DNAH2: variants seen among roughly 807,000 people sequenced by gnomAD.
The protein encoded by DNAH2 is dynein axonemal heavy chain 2.
A neutral mutation model predicts 523.5 loss-of-function variants in DNAH2; 323 were observed. That is an observed-to-expected ratio of 0.62 (90% confidence interval 0.56 to 0.68). DNAH2 has a LOEUF of 0.68. Ranked by LOEUF, DNAH2 falls within the 30% of genes least tolerant of loss-of-function variation. DNAH2 has a pLI of 0.00. For synonymous variants in DNAH2, 2,093 were observed against 2,177.4 expected, an observed-to-expected ratio of 0.96 and a Z score of 1.08; for missense variants, 4,907 against 5,701.5, an observed-to-expected ratio of 0.86 and a Z score of 4.49.
intron 5 of DNAH2, 36 bp from the exon 6 acceptor site, chr17:7,734,147 C>A: frequency 6.5e-7 from 1 of 1,542,848 alleles, no homozygotes; most frequent in Non-Finnish European, 8.8e-7. Flanking sequence ...AGAACTCATC[C>A]CCTCTGTCCA....
chr17:7,773,449 T>C (rs552999501), intron 28 of DNAH2, among the ~76,000 whole-genome samples: 2 of 152,090 alleles, frequency 1.3e-5, no homozygotes, highest in Non-Finnish European at 1.5e-5. Context: ...AGTTCTTAGG[T>C]GGGTGTGTTA....
intron 4 of DNAH2, among the ~76,000 whole-genome samples, chr17:7,727,904 A>G (rs2074873596): frequency 1.3e-5 from 2 of 152,018 alleles, no homozygotes; most frequent in Admixed American, 1.3e-4. Context: ...GAATTCTGGG[A>G]AGCCTTGATG....
rs556633418 is a variant in DNAH2, at chr17:7,765,672, G to A, written c.3511+107G>A. On this transcript the variant is annotated intron_variant, in intron 21 of 85. Transcript: ENST00000572933. ...GAACTGGGAGGGGAGGAGGAGGGTC[G>A]GTGCTGGGGTGGGGGAAGAGCCTCC... 204 of 1,318,082 alleles carry A rather than the reference G, an allele frequency of 1.5e-4. No homozygotes were observed. The African/African-American group carries it at 2.6e-3, about 17-fold the overall frequency. The allele number at this position is 1,318,082 out of a possible 1,614,324, so 81.6% of individuals were successfully genotyped here.
chr17:7,793,102 C>G lies in DNAH2; in HGVS notation c.7466C>G (p.Ala2489Gly). The change falls in exon 48 of 86, where the codon GCT (alanine) becomes GGT (glycine). Residue 2489 changes from alanine (A) to glycine (G), a missense_variant. Coordinates refer to ENST00000572933, the MANE Select transcript of DNAH2 (RefSeq NM_020877.5). ...TTTATGGATGACCTAAATATGCCCG[C>G]TAAGGACATGTTTGGGTCCCAGCCA... is the stretch of plus-strand genomic sequence containing the variant. ...ITFMDDLNMPAKDMFGSQPPL... is the reference protein window; with the variant it reads ...ITFMDDLNMPGKDMFGSQPPL... 1 of 1,614,188 alleles carries G rather than the reference C, an allele frequency of 6.2e-7. No homozygotes were observed. Among genetic ancestry groups the G allele is most frequent in the South Asian group, 1.1e-5 (1 of 91,086 alleles).
chr17:7,761,017 G>A lies in DNAH2; in HGVS notation c.2978+85G>A. The stretch of plus-strand genomic sequence containing the variant: ...CCCAGGCCTAGAGTCTTGGGAAGTG[G>A]GTAGGGGAGCTGAGGATGACATGTG... On this transcript the variant is annotated intron_variant, in intron 18 of 85. Coordinates refer to ENST00000572933, the MANE Select transcript of DNAH2 (RefSeq NM_020877.5). The A allele has an allele frequency of 3.9e-6, 6 of 1,526,780 alleles. No homozygotes were observed. The South Asian group carries it at 7.4e-5, about 19-fold the overall frequency. The allele number at this position is 1,526,780 out of a possible 1,614,324, so 94.6% of individuals were successfully genotyped here. A position where few individuals can be genotyped will look rare whatever the true frequency, so the allele number is the denominator to read the frequency against.
At chr17:7,805,163 G>A (rs148867525) in intron 60 of DNAH2, 89 bp downstream of exon 60, 4 of 1,596,322 alleles carry the variant, frequency 2.5e-6, no homozygotes, top group African/African-American at 2.7e-5. Flanking sequence ...CAAAGACTCT[G>A]GGGAAGTGGG....
chr17:7,787,280 C>G (rs1322784295), intron 42 of DNAH2: 2 of 561,820 alleles, frequency 3.6e-6, no homozygotes, highest in Non-Finnish European at 6.2e-6. Context: ...GGCGGCCCTC[C>G]TCGGCTCGTT....
intron 19 of DNAH2, 28 bp downstream of exon 19, chr17:7,764,059 G>A (rs377024128): frequency 6.2e-7 from 1 of 1,614,040 alleles, no homozygotes; most frequent in Non-Finnish European, 8.5e-7. Flanking sequence ...CCACAGGAAG[G>A]GGGCAGGGGC....
At chr17:7,785,051 A>G (rs1279739282) in intron 39 of DNAH2, among the ~76,000 whole-genome samples, 1 of 152,154 alleles carries the variant, frequency 6.6e-6, no homozygotes, top group Non-Finnish European at 1.5e-5. Context: ...AAATTTGGCA[A>G]TACAATTCTA....
rs2074489902 is a variant in DNAH2, at chr17:7,718,483, C to G, written c.-331C>G. The G allele has an allele frequency of 6.6e-6, 1 of 152,204 alleles. No individual in the cohort carries two copies. The highest frequency in any genetic ancestry group is 2.1e-4 in the South Asian group (1 of 4,836). The allele number at this position is 152,204 out of a possible 1,614,324, so 9.4% of individuals were successfully genotyped here. Reference sequence around the variant, plus strand: ...CTAATGAAAAGAGAGTGCCCAGCGCCTCAGACTTTGCGCCTGGGATTCTGA... The same window carrying G: ...CTAATGAAAAGAGAGTGCCCAGCGCGTCAGACTTTGCGCCTGGGATTCTGA... On this transcript the variant is annotated 5_prime_UTR_variant, in exon 1 of 86. Transcript: ENST00000572933.
rs2076578037 is a variant in DNAH2, at chr17:7,780,627, C to T, written c.5851-3C>T. 6.2e-7 allele frequency: 1 copy of T among 1,613,704 alleles called. No homozygotes were observed. Among genetic ancestry groups the T allele is most frequent in the African/African-American group, 1.3e-5 (1 of 74,936 alleles). On this transcript the variant is annotated splice_polypyrimidine_tract_variant and splice_region_variant and intron_variant, in intron 37 of 85. Transcript: ENST00000572933. The surrounding 1 kb of genome is among the most constrained non-coding windows in gnomAD (Gnocchi z 4.4). ...TGTTTCCTCCTCTGTTTTGGTTCCC[C>T]AGATTCTGGCCAAGAAGGTGTACAC...
rs1272481918 is a variant in DNAH2, at chr17:7,743,015, G to A, written c.1777G>A (p.Glu593Lys). The A allele has an allele frequency of 6.6e-7, 1 of 1,523,388 alleles. No homozygotes were observed. The highest frequency in any genetic ancestry group is 8.8e-7 in the Non-Finnish European group (1 of 1,139,542). 94.4% of individuals were successfully genotyped at this position (1,523,388 alleles called of 1,614,324 possible). ...TCAGCAGATGGTCCAGGCCATTGAT[G>A]AGCTGGTTCGAAAAACCTTCCAAGA... ...TYQQMVQAID[E>K]LVRKTFQEWT... Residue 593 changes from glutamate (E) to lysine (K), a missense_variant, in exon 12 of 86, where the codon GAG (glutamate) becomes AAG (lysine). By Grantham distance (56) the Glu-to-Lys change is moderately conservative. Transcript: ENST00000572933.
At chr17:7,723,365 T>C (rs909555662) in intron 2 of DNAH2, among the ~76,000 whole-genome samples, 2 of 144,680 alleles carry the variant, frequency 1.4e-5, no homozygotes, top group African/African-American at 2.6e-5. Flanking sequence ...CTCTGCCTCC[T>C]GGGTTCAGGT....
At chr17:7,734,122 C>A in intron 5 of DNAH2, 61 bp from the exon 6 acceptor site, 1 of 1,443,186 alleles carries the variant, frequency 6.9e-7, no homozygotes, top group Non-Finnish European at 9.5e-7. Context: ...AACCGTGATT[C>A]CTACGGGGCC....
Position 7,792,828 on chromosome 17 carries a change from G to C in DNAH2, c.7317G>C (p.Ser2439=). 6.2e-7 allele frequency: 1 copy of C among 1,614,128 alleles called. No individual in the cohort carries two copies. Among genetic ancestry groups the C allele is most frequent in the Non-Finnish European group, 8.5e-7 (1 of 1,179,996 alleles). ...VLQSLPSSQW[S]VLVVNMSAQT... ...AGTCCCTGCCCTCCAGCCAGTGGTCGGTGCTCGTTGTCAACATGTCCGCAC... is the reference window on the plus strand; with the variant it reads ...AGTCCCTGCCCTCCAGCCAGTGGTCCGTGCTCGTTGTCAACATGTCCGCAC... The change falls in exon 47 of 86, where the codon TCG becomes TCC. Residue 2439 remains serine (S), a synonymous_variant. Transcript: ENST00000572933.
chr17:7,772,052 A>T (rs1351413396), intron 28 of DNAH2, among the ~76,000 whole-genome samples: 1 of 152,128 alleles, frequency 6.6e-6, no homozygotes, highest in Non-Finnish European at 1.5e-5. Flanking sequence ...ACTAGCCTTC[A>T]GCCATGGGAT....
At position 7,786,928 on chromosome 17, in the gene DNAH2, C is replaced by G. The variant is rs576012683; in HGVS notation, c.6498C>G (p.Phe2166Leu). 1.2e-6 allele frequency: 2 copies of G among 1,614,054 alleles called. No homozygotes were observed. Among genetic ancestry groups the G allele is most frequent in the Non-Finnish European group, 1.7e-6 (2 of 1,180,026 alleles). ...DEKPDEKWIL[F>L]DGPVDTLWIE... ...AACCCGACGAGAAGTGGATCCTGTT[C>G]GATGGCCCCGTGGACACACTGTGGA... is the stretch of plus-strand genomic sequence containing the variant. Residue 2166 changes from phenylalanine (F) to leucine (L), a missense_variant, in exon 42 of 86, where the codon TTC becomes TTG. Around this residue, in one of 3 missense-constraint regions of DNAH2, gnomAD observed 2,806 missense variants for 3,190.8 expected, o/e 0.88. Coordinates refer to ENST00000572933, the MANE Select transcript of DNAH2 (RefSeq NM_020877.5). The surrounding 1 kb of genome is among the most constrained non-coding windows in gnomAD (Gnocchi z 7.5).
At position 7,821,182 on chromosome 17, in the gene DNAH2, G is replaced by A. The variant is rs559743963; in HGVS notation, c.11016-61G>A. The A allele has an allele frequency of 1.1e-4, 175 of 1,573,944 alleles. 1 individual carries two copies. In the Middle Eastern group the frequency reaches 1.2e-3, roughly 11 times the overall value. ...GTGTGATAGTAGCATCATAGCATTC[G>A]CATGGAGCATCAGCCCCCATTCCAT... On this transcript the variant is annotated intron_variant, in intron 72 of 85. Transcript: ENST00000572933. This position sits in a 1 kb window ranked among gnomAD's most constrained non-coding sequence, Gnocchi z 5.0.
chr17:7,731,648 TTTATC>T (rs1253780510), intron 4 of DNAH2, among the ~76,000 whole-genome samples: 1 of 152,174 alleles, frequency 6.6e-6, no homozygotes, highest in Non-Finnish European at 1.5e-5. Flanking sequence ...CATTTTAACT[TTTATC>T]TTTGTAGTTT....
Sources: gnomAD v4.1 joint callset for allele counts (sites outside exome capture counted in the v4.1 genomes callset) on GRCh38, gnomAD v4.1.1 for gene constraint, gnomAD v4.1.1 regional missense constraint, Gnocchi (gnomAD v3.1) non-coding constraint, MANE v1.5 for transcripts, NCBI Gene and HGNC (gene_info 2026-07-23, HGNC 2026-07-21) for gene names.